Variants in ZNF425 observed in about 807,000 individuals in gnomAD.
The protein encoded by ZNF425 is zinc finger protein 425.
ZNF425 carries 21 observed loss-of-function variants against 17.0 expected under a neutral mutation model. The ratio of observed to expected loss-of-function variants is 1.23; its 90% CI spans 0.88 to 1.78. The LOEUF is 1.78. Ranked by LOEUF, ZNF425 falls within the 40% of genes most tolerant of loss-of-function variation. The pLI is 0.00. For missense variants in ZNF425, 868 were observed against 967.3 expected (o/e 0.90, Z 1.36); for synonymous variants, 433 against 384.1 (o/e 1.13, Z -1.49).
In ZNF425 at chr7:149,104,946, G is replaced by GGCCGCACTCCCCGCA; in HGVS notation, c.910_924dup (p.Cys304_Gly308dup). ...AGCTCGCACTGCTGCACGAAGGCCCGGCCGCACTCCCCGCAGCAGAACGGC... is the reference window on the plus strand; with the variant it reads ...AGCTCGCACTGCTGCACGAAGGCCCGGCCGCACTCCCCGCAGCCGCACTCCCCGCAGCAGAACGGC... On this transcript the variant is annotated inframe_insertion, in exon 4 of 4. Transcript: ENST00000378061. The surrounding 1 kb of genome is among the most constrained non-coding windows in gnomAD (Gnocchi z 4.3). The GGCCGCACTCCCCGCA allele has an allele frequency of 1.2e-6, 2 of 1,613,890 alleles. No homozygotes were observed. Among genetic ancestry groups the GGCCGCACTCCCCGCA allele is most frequent in the Non-Finnish European group, 1.7e-6 (2 of 1,180,002 alleles).
At chr7:149,114,931 C>CTTTT (rs35954198) in intron 2 of ZNF425, among the ~76,000 whole-genome samples, 241 of 100,916 alleles carry the variant, frequency 2.4e-3, no homozygotes, top group Non-Finnish European at 3.3e-3. Context: ...TCTTTCTTTT[C>CTTTT]TTTTTTTTTT....
intron 1 of ZNF425, among the ~76,000 whole-genome samples, chr7:149,123,727 T>A (rs1826398982): frequency 6.6e-6 from 1 of 151,906 alleles, no homozygotes; most frequent in Non-Finnish European, 1.5e-5. Flanking sequence ...AGACCGGGTT[T>A]CGCCATGTTG....
intron 3 of ZNF425, among the ~76,000 whole-genome samples, chr7:149,107,835 CATTTATTT>C (rs55746271): frequency 1.2e-3 from 162 of 138,048 alleles, no homozygotes; most frequent in Middle Eastern, 7.2e-3. Flanking sequence ...AACTCTCTCC[CATTTATTT>C]ATTTATTTAT....
chr7:149,114,936 T>C (rs75506726), intron 2 of ZNF425, among the ~76,000 whole-genome samples: 148 of 110,336 alleles, frequency 1.3e-3, no homozygotes, highest in Middle Eastern at 4.4e-3. Context: ...CTTTTCTTTT[T>C]TTTTTTTTTT....
At position 149,104,266 on chromosome 7, in the gene ZNF425, G is replaced by C. The variant is rs149172104; in HGVS notation, c.1605C>G (p.Phe535Leu). Residue 535 changes from phenylalanine (F) to leucine (L), a missense_variant, in exon 4 of 4, where the codon TTC becomes TTG. Physicochemically the swap from Phe to Leu is conservative, Grantham distance 22 (BLOSUM62 0). Transcript: ENST00000378061. The surrounding 1 kb of genome is among the most constrained non-coding windows in gnomAD (Gnocchi z 4.3). ...PFSCAECGRS[F>L]RRRAHLTEHT... The stretch of plus-strand genomic sequence containing the variant: ...GCTCTGTGAGATGCGCGCGTCGGCG[G>C]AAACTGCGGCCGCACTCGGCGCAGG... 130 of 1,613,646 alleles carry C rather than the reference G, an allele frequency of 8.1e-5. No homozygotes were observed. The African/African-American group carries it at 1.4e-3, about 17-fold the overall frequency.
At position 149,104,371 on chromosome 7, in the gene ZNF425, G is replaced by A. The variant is rs1435536819; in HGVS notation, c.1500C>T (p.Cys500=). 2.8e-5 allele frequency: 45 copies of A among 1,610,514 alleles called. No homozygotes were observed. The highest frequency in any genetic ancestry group is 3.7e-5 in the Non-Finnish European group (44 of 1,178,506). The change falls in exon 4 of 4, where the codon TGC becomes TGT. Residue 500 remains cysteine (C), a synonymous_variant. Coordinates refer to ENST00000378061, the MANE Select transcript of ZNF425 (RefSeq NM_001001661.3). This position sits in a 1 kb window ranked among gnomAD's most constrained non-coding sequence, Gnocchi z 4.3. The part of the protein sequence containing the change: ...RVHDRQKEFP[C]GECKKTFSQQ... ...GAGAAAAGGTCTTTTTGCACTCGCC[G>A]CAGGGAAACTCCTTCTGCCTGTCGT...
intron 1 of ZNF425, among the ~76,000 whole-genome samples, chr7:149,124,516 C>T (rs1826419217): frequency 6.6e-6 from 1 of 150,418 alleles, no homozygotes; most frequent in African/African-American, 2.5e-5. Flanking sequence ...TTGTACCTCA[C>T]CCATATTTTT....
intron 1 of ZNF425, among the ~76,000 whole-genome samples, chr7:149,125,090 G>A (rs977779675): frequency 1.3e-5 from 2 of 152,292 alleles, no homozygotes; most frequent in African/African-American, 4.8e-5. Context: ...GAGAAAAAAA[G>A]AAAGCCTGGC....
chr7:149,109,869 TTTTC>T (rs1585484275), intron 3 of ZNF425, among the ~76,000 whole-genome samples: 1 of 150,686 alleles, frequency 6.6e-6, no homozygotes, highest in South Asian at 2.1e-4. Context: ...TCTTTATTTA[TTTTC>T]TTTTTCTTTT....
At chr7:149,125,723 G>A (rs963066832) in intron 1 of ZNF425, 3 of 212,848 alleles carry the variant, frequency 1.4e-5, no homozygotes, top group African/African-American at 7.1e-5. Context: ...CCAGGCTGGA[G>A]GGCAGTGGCT....
In ZNF425 at chr7:149,103,834, G is replaced by T. The variant is rs1246520407; in HGVS notation, c.2037C>A (p.Gly679=). ...PECDKSYCIR[G]SLKVHLYKHS... is the part of the protein sequence containing the mutation. ...GCTTATACAAGTGGACCTTCAAGCT[G>T]CCCCTGATGCAGTAGCTCTTGTCAC... Residue 679 remains glycine, a synonymous_variant, in exon 4 of 4, where the codon GGC becomes GGA. Coordinates refer to ENST00000378061, the MANE Select transcript of ZNF425 (RefSeq NM_001001661.3). The T allele has an allele frequency of 1.2e-6, 2 of 1,612,488 alleles. No individual in the cohort carries two copies. Among genetic ancestry groups the T allele is most frequent in the Non-Finnish European group, 1.7e-6 (2 of 1,179,550 alleles).
intron 3 of ZNF425, 68 bp from the exon 4 acceptor site, chr7:149,105,634 C>CT (rs1826068294): frequency 9.1e-7 from 1 of 1,102,150 alleles, no homozygotes; most frequent in Non-Finnish European, 1.2e-6. Context: ...CAAGGACTGT[C>CT]TTTTAAAAAT....
At chr7:149,123,448 G>A (rs1333405561) in intron 1 of ZNF425, among the ~76,000 whole-genome samples, 1 of 152,204 alleles carries the variant, frequency 6.6e-6, no homozygotes, top group African/African-American at 2.4e-5. Flanking sequence ...AAAAGTTTCA[G>A]AGCTAAAATT....
Position 149,104,280 on chromosome 7 carries a change from A to C in ZNF425, c.1591T>G (p.Cys531Gly). 6.2e-7 allele frequency: 1 copy of C among 1,613,678 alleles called. No individual in the cohort carries two copies. Among genetic ancestry groups the C allele is most frequent in the Non-Finnish European group, 8.5e-7 (1 of 1,180,024 alleles). ...TTEKPFSCAECGRSFRRRAHL... is the reference protein window; with the variant it reads ...TTEKPFSCAEGGRSFRRRAHL... ...GCGCGTCGGCGGAAACTGCGGCCGC[A>C]CTCGGCGCAGGAGAACGGCTTTTCC... The change falls in exon 4 of 4, where the codon TGC (cysteine) becomes GGC (glycine). Residue 531 changes from cysteine to glycine, a missense_variant. By Grantham distance (159) the Cys-to-Gly change is radical (BLOSUM62 -3). Transcript: ENST00000378061. The surrounding 1 kb of genome is among the most constrained non-coding windows in gnomAD (Gnocchi z 4.3).
chr7:149,117,708 A>G (rs9785024), intron 2 of ZNF425, among the ~76,000 whole-genome samples: 7,236 of 130,208 alleles, frequency 0.056, 192 homozygotes, highest in Middle Eastern at 0.11. Context: ...GCTGGAGTGC[A>G]ATGGCACGAT....
intron 2 of ZNF425, among the ~76,000 whole-genome samples, chr7:149,116,410 T>C (rs542391964): frequency 1.3e-5 from 2 of 151,800 alleles, no homozygotes; most frequent in Admixed American, 1.3e-4. Flanking sequence ...AATCAAGGAG[T>C]TGATTCTTCT....
rs377133323 is a variant in ZNF425, at chr7:149,105,401, T to A, written c.470A>T (p.Lys157Ile). 22 of 1,580,880 alleles carry A rather than the reference T, an allele frequency of 1.4e-5. No individual in the cohort carries two copies. The highest frequency in any genetic ancestry group is 2.7e-5 in the African/African-American group (2 of 72,942). The change falls in exon 4 of 4, where the codon AAA becomes ATA. Residue 157 changes from lysine (K) to isoleucine (I), a missense_variant. Transcript: ENST00000378061. The part of the protein sequence containing the change: ...SLRETEILNK[K>I]VSITAYDPDK... ...TGGATCATATGCTGTGATGCTGACT[T>A]TTTTATTTAGAATCTCTGTTTCTCG...
rs780072258 is a variant in ZNF425, at chr7:149,126,090, C to G, written c.18+106G>C. The G allele has an allele frequency of 5.7e-6, 9 of 1,579,696 alleles. 1 individual carries two copies. In the South Asian group the frequency reaches 9.1e-5, roughly 16 times the overall value. On this transcript the variant is annotated intron_variant, in intron 1 of 3. Coordinates refer to ENST00000378061, the MANE Select transcript of ZNF425 (RefSeq NM_001001661.3). The stretch of plus-strand genomic sequence containing the variant: ...CAGTCCGTGGGCCACTGCCAACCCC[C>G]AGGCCCAGGCCCCGGCCGCCCCACT...
At position 149,104,894 on chromosome 7, in the gene ZNF425, C is replaced by A. The variant is rs372675657; in HGVS notation, c.977G>T (p.Gly326Val). 6.2e-7 allele frequency: 1 copy of A among 1,613,418 alleles called. No homozygotes were observed. Among genetic ancestry groups the A allele is most frequent in the Admixed American group, 1.7e-5 (1 of 59,982 alleles). Reference protein sequence around the residue: ...ELTEHLRLHSGEKPFQCPQCD... With the variant: ...ELTEHLRLHSVEKPFQCPQCD... ...CTGCGGACACTGGAAGGGCTTCTCT[C>A]CGCTGTGCAGCCGCAAGTGCTCCGT... The change falls in exon 4 of 4, where the codon GGA (glycine) becomes GTA (valine). Residue 326 changes from glycine to valine, a missense_variant. Physicochemically the swap from Gly to Val is moderately radical, Grantham distance 109. Transcript: ENST00000378061. This position sits in a 1 kb window ranked among gnomAD's most constrained non-coding sequence, Gnocchi z 4.3.
Sources: allele counts gnomAD v4.1 joint callset (sites outside exome capture counted in the v4.1 genomes callset), GRCh38; gene constraint gnomAD v4.1.1; non-coding constraint Gnocchi (gnomAD v3.1); transcripts MANE v1.5; gene names NCBI Gene and HGNC (gene_info 2026-07-23, HGNC 2026-07-21).